EYA2: variants seen among roughly 807,000 people sequenced by gnomAD.
EYA2 encodes the protein protein phosphatase EYA2.
Under a neutral mutation model 69.2 loss-of-function variants are expected in EYA2, and 31 were observed. That is an observed-to-expected ratio of 0.45 (90% CI 0.34 to 0.60). The LOEUF (loss-of-function observed/expected upper bound fraction) is 0.60. EYA2 is among the 20% of genes least tolerant of loss of function. The probability of loss-of-function intolerance (pLI) is 0.02; values close to 1 mark genes in which losing one functional copy is unlikely to be tolerated. For synonymous variants in EYA2, 257 were observed against 279.4 expected (o/e 0.92, Z 0.80); for missense variants, 622 against 701.2 (o/e 0.89, Z 1.28).
intron 9 of EYA2, among the ~76,000 whole-genome samples, chr20:47,107,523 A>G (rs1223563716): frequency 4.1e-5 from 1 of 24,208 alleles, no homozygotes; most frequent in Non-Finnish European, 1.2e-4. Flanking sequence ...GAGACTCTGT[A>G]TCAAAAAAAA....
At chr20:47,056,576 TAAAC>T (rs1041341493) in intron 5 of EYA2, among the ~76,000 whole-genome samples, 1 of 152,156 alleles carries the variant, frequency 6.6e-6, no homozygotes, top group Non-Finnish European at 1.5e-5. Context: ...ATAAGCCAGA[TAAAC>T]AAACTATGCT....
intron 1 of EYA2, among the ~76,000 whole-genome samples, chr20:46,949,907 A>G (rs1978695543): frequency 6.6e-6 from 1 of 152,242 alleles, no homozygotes; most frequent in African/African-American, 2.4e-5. Flanking sequence ...CAACTGCCCT[A>G]TGAAGTAGGT....
intron 10 of EYA2, among the ~76,000 whole-genome samples, chr20:47,148,415 G>C (rs1289774317): frequency 2.6e-5 from 4 of 152,210 alleles, no homozygotes; most frequent in Non-Finnish European, 5.9e-5. Flanking sequence ...GGATAGGCAA[G>C]TGGGGGTTCT....
intron 9 of EYA2, among the ~76,000 whole-genome samples, chr20:47,109,994 G>A (rs2032703793): frequency 1.3e-5 from 2 of 152,090 alleles, no homozygotes; most frequent in South Asian, 4.1e-4. Context: ...CTCTCTTCAG[G>A]GAGGACACTC....
intron 9 of EYA2, among the ~76,000 whole-genome samples, chr20:47,136,980 C>T (rs186312738): frequency 0.017 from 2,592 of 152,164 alleles, 107 homozygotes; most frequent in East Asian, 0.16. Flanking sequence ...GTACCTTCGC[C>T]TCAAGAGAAC....
chr20:47,143,444 A>C (rs555522165), intron 10 of EYA2, among the ~76,000 whole-genome samples: 3 of 152,236 alleles, frequency 2.0e-5, no homozygotes, highest in African/African-American at 7.2e-5. Context: ...AATAATGGCT[A>C]TGTAGTTTCT....
chr20:47,106,822 T>C (rs2032594904), intron 9 of EYA2, among the ~76,000 whole-genome samples: 1 of 152,030 alleles, frequency 6.6e-6, no homozygotes, highest in Admixed American at 6.6e-5. Flanking sequence ...GCCAAAAAGC[T>C]CAAAATCTGC....
intron 7 of EYA2, among the ~76,000 whole-genome samples, chr20:47,082,575 A>C (rs1242412943): frequency 6.6e-6 from 1 of 152,256 alleles, no homozygotes; most frequent in Admixed American, 6.5e-5. Flanking sequence ...AAGTTAAAGA[A>C]GGCATTAATA....
At chr20:47,084,840 T>C (rs1474824958) in intron 7 of EYA2, among the ~76,000 whole-genome samples, 8 of 149,832 alleles carry the variant, frequency 5.3e-5, no homozygotes, top group African/African-American at 1.2e-4. Flanking sequence ...CTTTCTTTTT[T>C]TTTTTTTTTT....
intron 1 of EYA2, among the ~76,000 whole-genome samples, chr20:46,984,946 C>T (rs1981087997): frequency 6.6e-6 from 1 of 152,132 alleles, no homozygotes; most frequent in African/African-American, 2.4e-5. Flanking sequence ...AGATATGCAT[C>T]CAGTAACATA....
chr20:47,185,722 G>A (rs937284108), intron 15 of EYA2, among the ~76,000 whole-genome samples: 8 of 152,198 alleles, frequency 5.3e-5, no homozygotes, highest in African/African-American at 1.7e-4. Flanking sequence ...GTGAGAAGGC[G>A]TTGAAGAGAT....
chr20:46,971,680 T>C (rs1980154886), intron 1 of EYA2, among the ~76,000 whole-genome samples: 1 of 152,234 alleles, frequency 6.6e-6, no homozygotes, highest in Non-Finnish European at 1.5e-5. Flanking sequence ...CACAGATCAG[T>C]GGGACTATGG....
At chr20:46,988,388 C>T (rs2146325701) in intron 1 of EYA2, among the ~76,000 whole-genome samples, 1 of 152,172 alleles carries the variant, frequency 6.6e-6, no homozygotes, top group African/African-American at 2.4e-5. Flanking sequence ...TGACTTAGAG[C>T]AGTTTGGTAA....
chr20:47,172,950 C>T, intron 12 of EYA2, 83 bp downstream of exon 12: 1 of 1,492,604 alleles, frequency 6.7e-7, no homozygotes, highest in South Asian at 1.3e-5. Flanking sequence ...TGCCAGGCGC[C>T]AGGCAGAGAG....
At chr20:47,144,311 G>A (rs1221818032) in intron 10 of EYA2, among the ~76,000 whole-genome samples, 1 of 150,398 alleles carries the variant, frequency 6.6e-6, no homozygotes, top group Non-Finnish European at 1.5e-5. Context: ...AGCAGAGATC[G>A]TGCCACTGCA....
At chr20:47,069,797 T>C (rs2031244701) in intron 5 of EYA2, among the ~76,000 whole-genome samples, 1 of 152,144 alleles carries the variant, frequency 6.6e-6, no homozygotes, top group African/African-American at 2.4e-5. Flanking sequence ...AGACTTTTTA[T>C]AGTGGTCCTG....
intron 5 of EYA2, among the ~76,000 whole-genome samples, chr20:47,023,642 T>G (rs13039202): frequency 6.5e-5 from 6 of 92,126 alleles, no homozygotes; most frequent in African/African-American, 1.2e-4. Flanking sequence ...GTTTTTTTTT[T>G]TTTTTTTTTT....
At chr20:47,086,830 C>T (rs778638918) in intron 7 of EYA2, among the ~76,000 whole-genome samples, 6 of 151,554 alleles carry the variant, frequency 4.0e-5, no homozygotes, top group Admixed American at 1.3e-4. Context: ...TTTGGCACCC[C>T]TGCGAAATTG....
chr20:46,937,776 C>T (rs1458794514), intron 1 of EYA2, among the ~76,000 whole-genome samples: 1 of 151,104 alleles, frequency 6.6e-6, no homozygotes, highest in Non-Finnish European at 1.5e-5. Flanking sequence ...AGGAACTTTT[C>T]AAAACCAAGA....
Sources: gnomAD v4.1 joint callset for allele counts (sites outside exome capture counted in the v4.1 genomes callset) on GRCh38, gnomAD v4.1.1 for gene constraint, MANE v1.5 for transcripts, NCBI Gene and HGNC (gene_info 2026-07-23, HGNC 2026-07-21) for gene names.